Variants in PHF20 observed in about 807,000 individuals in gnomAD.
PHF20 encodes the protein PHD finger protein 20.
A neutral mutation model predicts 113.5 loss-of-function variants in PHF20; 23 were observed. That is an observed-to-expected ratio of 0.20 (90% confidence interval 0.15 to 0.29). The LOEUF (loss-of-function observed/expected upper bound fraction) is 0.29. Ranked by LOEUF, PHF20 falls within the 10% of genes least tolerant of loss-of-function variation. PHF20 has a pLI of 1.00. For missense variants in PHF20, 943 were observed against 1,219.6 expected (o/e 0.77, Z 3.38); for synonymous variants, 434 against 457.3 (o/e 0.95, Z 0.65).
chr20:35,924,424 C>T (rs1227941541), intron 13 of PHF20, among the ~76,000 whole-genome samples: 1 of 151,808 alleles, frequency 6.6e-6, no homozygotes, highest in Non-Finnish European at 1.5e-5. Context: ...GAATTCCCGA[C>T]CTCAGGTGAT....
chr20:35,891,137 G>C (rs1702468270), intron 9 of PHF20, among the ~76,000 whole-genome samples: 1 of 152,156 alleles, frequency 6.6e-6, no homozygotes, highest in Non-Finnish European at 1.5e-5. Context: ...AGCACTTTGG[G>C]AGGCCAAGGT....
chr20:35,895,681 C>CTTTTTTT (rs762279629), intron 9 of PHF20, among the ~76,000 whole-genome samples: 1 of 116,776 alleles, frequency 8.6e-6, no homozygotes, highest in African/African-American at 3.5e-5. Context: ...TTTGCTTCTC[C>CTTTTTTT]TTTTTTTTTT....
chr20:35,915,707 T>TTTGAAATAAAATTAGTTCAAATAAATTAG (rs2055391851), intron 12 of PHF20, among the ~76,000 whole-genome samples: 2 of 152,188 alleles, frequency 1.3e-5, no homozygotes, highest in Non-Finnish European at 2.9e-5. Context: ...TAAAACTTTC[T>TTTGAAATAAAATTAGTTCAAATAAATTAG]TTGAAATAAA....
At chr20:35,924,197 T>C (rs529828705) in intron 13 of PHF20, among the ~76,000 whole-genome samples, 15 of 149,098 alleles carry the variant, frequency 1.0e-4, no homozygotes, top group South Asian at 6.3e-4. Context: ...CTTTTCTTTT[T>C]TTTTTTTTTT....
rs2042697390 is a variant in PHF20 at position 35,850,298 on chromosome 20, T to TTTTTTTTTTTG, written c.340+2874_340+2875insGTTTTTTTTTT. ...GGGGCTGCTTAGCTTCCCCCTCCGT[T>TTTTTTTTTTTG]TTTTTTTTTTTTTTTTTTTTTTTTT... On this transcript the variant is annotated intron_variant, in intron 4 of 17. Transcript: ENST00000374012. Among the ~76,000 whole-genome samples, 10 of 86,892 alleles carry TTTTTTTTTTTG rather than the reference T, an allele frequency of 1.2e-4. 1 individual carries two copies. The highest frequency in any genetic ancestry group is 1.3e-4 in the Non-Finnish European group (6 of 45,842). 57.0% of individuals were successfully genotyped at this position (86,892 alleles called of 152,430 possible). A position where few individuals can be genotyped will look rare whatever the true frequency, so the allele number is the denominator to read the frequency against.
intron 2 of PHF20, among the ~76,000 whole-genome samples, chr20:35,808,875 A>T (rs552381753): frequency 5.6e-4 from 82 of 145,964 alleles, no homozygotes; most frequent in Admixed American, 4.0e-3. Context: ...CCTGGCCCCA[A>T]TTTTTTTTTT....
At chr20:35,815,761 G>GCCTTCCCTATTT (rs2042063051) in intron 2 of PHF20, among the ~76,000 whole-genome samples, 1 of 151,882 alleles carries the variant, frequency 6.6e-6, no homozygotes, top group South Asian at 2.1e-4. Context: ...CACCGCGCCT[G>GCCTTCCCTATTT]GCATGCCTGT....
chr20:35,883,014 C>T (rs1401954012), intron 9 of PHF20, among the ~76,000 whole-genome samples: 3 of 141,712 alleles, frequency 2.1e-5, no homozygotes, highest in Non-Finnish European at 3.0e-5. Flanking sequence ...GGTGACAGAA[C>T]GACACTCTGT....
chr20:35,882,470 C>T lies in PHF20; in HGVS notation c.1282+10641C>T, dbSNP rs118120724. On this transcript the variant is annotated intron_variant, in intron 9 of 17. Transcript: ENST00000374012. ...TTGAGAAGGGTTTTGCTCTGTCATC[C>T]AGGCTGGAGTGTAATGGCATGATCA... 2.3e-3 allele frequency among the ~76,000 whole-genome samples: 352 copies of T among 152,286 alleles called. 1 individual carries two copies. The highest frequency in any genetic ancestry group is 0.017 in the Middle Eastern group (5 of 294).
rs535152036 is a variant in PHF20 at position 35,794,850 on chromosome 20, A to G, written c.-32-6641A>G. Among the ~76,000 whole-genome samples the G allele has an allele frequency of 2.0e-5, 3 of 152,148 alleles. No homozygotes were observed. The South Asian group carries it at 6.2e-4, about 32-fold the overall frequency. ...GCGACAGTACTCTTTTGCCTCTCCC[A>G]AAATAAAACCCAGAGTCTTTGTCAG... On this transcript the variant is annotated intron_variant, in intron 1 of 17. Transcript: ENST00000374012.
At chr20:35,827,904 A>G (rs1230451128) in intron 2 of PHF20, among the ~76,000 whole-genome samples, 1 of 152,156 alleles carries the variant, frequency 6.6e-6, no homozygotes, top group Non-Finnish European at 1.5e-5. Flanking sequence ...ATGAATGTAA[A>G]AAGGGGGCAG....
chr20:35,807,703 A>G (rs2041909890), intron 2 of PHF20, among the ~76,000 whole-genome samples: 1 of 152,198 alleles, frequency 6.6e-6, no homozygotes, highest in South Asian at 2.1e-4. Flanking sequence ...GCATGAAGGA[A>G]TATTGTTAAC....
intron 1 of PHF20, among the ~76,000 whole-genome samples, chr20:35,790,182 A>G (rs1469611555): frequency 6.6e-6 from 1 of 150,804 alleles, no homozygotes; most frequent in Non-Finnish European, 1.5e-5. Flanking sequence ...CTGCAAGCTT[A>G]TTGTGTGCCA....
intron 13 of PHF20, among the ~76,000 whole-genome samples, 199 bp from the exon 14 acceptor site, chr20:35,927,581 T>C (rs1432472070): frequency 6.6e-6 from 1 of 152,206 alleles, no homozygotes; most frequent in Non-Finnish European, 1.5e-5. Flanking sequence ...TAGAGCCACA[T>C]GTGGCTAGTG....
chr20:35,901,911 AACCT>A (rs2055105112), intron 10 of PHF20, among the ~76,000 whole-genome samples: 2 of 151,810 alleles, frequency 1.3e-5, no homozygotes, highest in Non-Finnish European at 2.9e-5. Context: ...TCTGAGTGTA[AACCT>A]GAGTTCTTGT....
At chr20:35,937,755 G>T (rs1321105859) in intron 15 of PHF20, among the ~76,000 whole-genome samples, 1 of 152,170 alleles carries the variant, frequency 6.6e-6, no homozygotes, top group East Asian at 1.9e-4. Flanking sequence ...TATATTTTGG[G>T]GTAAAATACT....
At chr20:35,943,496 TAAAA>T (rs376783489) in intron 17 of PHF20, among the ~76,000 whole-genome samples, 1 of 116,038 alleles carries the variant, frequency 8.6e-6, no homozygotes, top group African/African-American at 3.2e-5. Context: ...CCCATTTCTT[TAAAA>T]AAAAAAAAAA....
Position 35,899,632 on chromosome 20 carries a change from C to T in PHF20, c.1545C>T (p.Val515=), listed in dbSNP as rs772915303. 6.2e-7 allele frequency: 1 copy of T among 1,613,964 alleles called. No homozygotes were observed. The highest frequency in any genetic ancestry group is 1.1e-5 in the South Asian group (1 of 91,058). ...AGGAGACCCTGACCAGGAAGCGGGT[C>T]TCTGCCAGTTCCCCAAGTAAGTATC... The part of the protein sequence containing the change: ...PSQETLTRKR[V]SASSPTTKDK... Residue 515 remains valine (V), a synonymous_variant, in exon 10 of 18, where the codon GTC becomes GTT. Transcript: ENST00000374012.
At chr20:35,809,829 T>C (rs1356017666) in intron 2 of PHF20, among the ~76,000 whole-genome samples, 1 of 152,160 alleles carries the variant, frequency 6.6e-6, no homozygotes, top group Non-Finnish European at 1.5e-5. Context: ...TGCAGTGAGC[T>C]GCAATTGTGC....
Sources: gnomAD v4.1 joint callset for allele counts (sites outside exome capture counted in the v4.1 genomes callset) on GRCh38, gnomAD v4.1.1 for gene constraint, MANE v1.5 for transcripts, NCBI Gene and HGNC (gene_info 2026-07-23, HGNC 2026-07-21) for gene names.